KCNK2: variants seen among roughly 807,000 people sequenced by gnomAD.
KCNK2 encodes the protein potassium two pore domain channel subfamily K member 2.
Under a neutral mutation model 40.5 loss-of-function variants are expected in KCNK2, and 21 were observed. The observed-to-expected ratio is 0.52, with a 90% CI of 0.37 to 0.75. The LOEUF (loss-of-function observed/expected upper bound fraction) is 0.75, where lower values mean the gene tolerates loss of function less well. Among genes scored for constraint, KCNK2 ranks in the 30% least tolerant of loss-of-function variants. KCNK2 has a pLI of 0.00. For synonymous variants in KCNK2, 191 were observed against 202.2 expected (o/e 0.94, Z 0.47); for missense variants, 399 against 531.6 (o/e 0.75, Z 2.45).
At chr1:215,118,437 TA>T (rs1558099165) in intron 2 of KCNK2, among the ~76,000 whole-genome samples, 1 of 152,176 alleles carries the variant, frequency 6.6e-6, no homozygotes, top group Non-Finnish European at 1.5e-5. Flanking sequence ...TTCAAGTTTT[TA>T]AAAATAATCT....
At chr1:215,191,152 G>A (rs936249802) in intron 5 of KCNK2, among the ~76,000 whole-genome samples, 21 of 151,830 alleles carry the variant, frequency 1.4e-4, no homozygotes, top group African/African-American at 5.1e-4. Context: ...AGGCGTGGTG[G>A]CAGGTGCCTG....
chr1:215,066,589 G>A (rs544902959), intron 1 of KCNK2, among the ~76,000 whole-genome samples: 44 of 152,274 alleles, frequency 2.9e-4, no homozygotes, highest in South Asian at 6.2e-4. Context: ...GGACCAGCCT[G>A]CCTGGTAATT....
rs538766054 is a variant in KCNK2 at position 215,165,982 on chromosome 1, C to G, written c.476-3217C>G. On this transcript the variant is annotated intron_variant, in intron 3 of 6. Transcript: ENST00000444842. ...TCTTTCAATCAGTTAATTTTAGGCT[C>G]TAACGTAAAATGGTTTTAAACAACA... Among the ~76,000 whole-genome samples the G allele has an allele frequency of 2.0e-5, 3 of 152,206 alleles. No homozygotes were observed. In the South Asian group the frequency reaches 6.2e-4, roughly 32 times the overall value.
intron 5 of KCNK2, among the ~76,000 whole-genome samples, chr1:215,193,556 G>A (rs893848712): frequency 6.6e-6 from 1 of 151,854 alleles, no homozygotes; most frequent in Non-Finnish European, 1.5e-5. Flanking sequence ...AATCCTTGAT[G>A]ATTCGGCCTG....
intron 6 of KCNK2, among the ~76,000 whole-genome samples, chr1:215,233,305 G>A (rs1241723933): frequency 2.0e-5 from 3 of 151,838 alleles, no homozygotes; most frequent in Admixed American, 6.6e-5. Context: ...AGTATAACTA[G>A]GAAATAAAAG....
intron 2 of KCNK2, among the ~76,000 whole-genome samples, chr1:215,094,808 A>T (rs1419031628): frequency 1.3e-5 from 2 of 152,166 alleles, no homozygotes; most frequent in African/African-American, 4.8e-5. Context: ...TATATCAATA[A>T]AATATCACTC....
At chr1:215,190,736 C>T (rs114996892) in intron 5 of KCNK2, among the ~76,000 whole-genome samples, 2,270 of 152,094 alleles carry the variant, frequency 0.015, 31 homozygotes, top group Middle Eastern at 0.051. Context: ...GTTCTATGGC[C>T]GCATGGTCTT....
chr1:215,217,919 G>A (rs1016701120), intron 6 of KCNK2, among the ~76,000 whole-genome samples: 1 of 152,132 alleles, frequency 6.6e-6, no homozygotes, highest in Non-Finnish European at 1.5e-5. Context: ...AGATGAATAG[G>A]ACACAATCTA....
intron 3 of KCNK2, among the ~76,000 whole-genome samples, chr1:215,144,103 C>T (rs974467959): frequency 2.6e-5 from 4 of 152,094 alleles, no homozygotes; most frequent in African/African-American, 9.7e-5. Context: ...AATGGCATTA[C>T]TCTTTTGATG....
chr1:215,088,455 G>A (rs1659551183), intron 2 of KCNK2, among the ~76,000 whole-genome samples: 1 of 151,892 alleles, frequency 6.6e-6, no homozygotes, highest in Admixed American at 6.6e-5. Flanking sequence ...CTCAGAAAGT[G>A]TTAGATTTGT....
At chr1:215,184,243 A>G (rs1229957309) in intron 5 of KCNK2, among the ~76,000 whole-genome samples, 1 of 152,216 alleles carries the variant, frequency 6.6e-6, no homozygotes, top group Non-Finnish European at 1.5e-5. Flanking sequence ...TTCAAAGTGT[A>G]TAACTGGCTT....
chr1:215,220,104 G>C (rs1666110682), intron 6 of KCNK2, among the ~76,000 whole-genome samples: 1 of 152,118 alleles, frequency 6.6e-6, no homozygotes, highest in Admixed American at 6.5e-5. Flanking sequence ...ACAGAGCTAA[G>C]GAATATATTT....
At chr1:215,105,231 C>T (rs1660385049) in intron 2 of KCNK2, among the ~76,000 whole-genome samples, 1 of 152,086 alleles carries the variant, frequency 6.6e-6, no homozygotes, top group Non-Finnish European at 1.5e-5. Context: ...GCAAGTCTCC[C>T]TTTTTCCCCT....
At chr1:215,226,673 C>G (rs957901865) in intron 6 of KCNK2, among the ~76,000 whole-genome samples, 13 of 151,942 alleles carry the variant, frequency 8.6e-5, no homozygotes, top group Non-Finnish European at 1.8e-4. Context: ...TGATAAAGCT[C>G]AGGTTCTGGA....
intron 3 of KCNK2, among the ~76,000 whole-genome samples, chr1:215,131,267 T>C (rs913450469): frequency 6.6e-6 from 1 of 150,620 alleles, no homozygotes; most frequent in African/African-American, 2.4e-5. Flanking sequence ...AAGACCAATT[T>C]AAAGATTAGA....
intron 2 of KCNK2, among the ~76,000 whole-genome samples, chr1:215,097,523 G>A (rs1191515494): frequency 1.3e-5 from 2 of 151,156 alleles, no homozygotes; most frequent in African/African-American, 4.9e-5. Flanking sequence ...GGCAGCATTT[G>A]AAATTACATA....
At chr1:215,157,794 G>A (rs914095146) in intron 3 of KCNK2, among the ~76,000 whole-genome samples, 7 of 152,132 alleles carry the variant, frequency 4.6e-5, no homozygotes, top group Non-Finnish European at 7.3e-5. Context: ...TCTTTCATTT[G>A]ATGCCTATAA....
chr1:215,027,242 C>T (rs1657031212), intron 1 of KCNK2, among the ~76,000 whole-genome samples: 1 of 152,032 alleles, frequency 6.6e-6, no homozygotes, highest in Non-Finnish European at 1.5e-5. Context: ...CAACTCATTT[C>T]CTTATCTCAC....
intron 1 of KCNK2, among the ~76,000 whole-genome samples, chr1:215,047,942 C>CA (rs1350840233): frequency 6.6e-6 from 1 of 151,986 alleles, no homozygotes; most frequent in Non-Finnish European, 1.5e-5. Context: ...GATGAAAATG[C>CA]AGAGAATTCC....
Sources: allele counts gnomAD v4.1 joint callset (sites outside exome capture counted in the v4.1 genomes callset), GRCh38; gene constraint gnomAD v4.1.1; transcripts MANE v1.5; gene names NCBI Gene and HGNC (gene_info 2026-07-23, HGNC 2026-07-21).